SLC25A13: variants seen among roughly 807,000 people sequenced by gnomAD.
SLC25A13 encodes electrogenic aspartate/glutamate antiporter SLC25A13, mitochondrial.
Under a neutral mutation model 85.5 loss-of-function variants are expected in SLC25A13, and 70 were observed. The observed-to-expected ratio is 0.82, with a 90% CI of 0.68 to 1.00. The LOEUF (loss-of-function observed/expected upper bound fraction) is 1.00. Among genes scored for constraint, SLC25A13 ranks in the 50% least tolerant of loss-of-function variants. SLC25A13 has a pLI of 0.00. For missense variants in SLC25A13, 765 were observed against 819.8 expected, an observed-to-expected ratio of 0.93 and a Z score of 0.82; for synonymous variants, 259 against 288.7, an observed-to-expected ratio of 0.90 and a Z score of 1.04.
chr7:96,166,692 T>C (rs1793761379), intron 13 of SLC25A13, among the ~76,000 whole-genome samples: 1 of 152,134 alleles, frequency 6.6e-6, no homozygotes, highest in African/African-American at 2.4e-5. Flanking sequence ...ATTTTTTTCT[T>C]AAAGTAACAG....
intron 2 of SLC25A13, among the ~76,000 whole-genome samples, chr7:96,279,055 C>T (rs906323338): frequency 6.6e-6 from 1 of 152,138 alleles, no homozygotes; most frequent in Admixed American, 6.5e-5. Flanking sequence ...TGTCCAAATT[C>T]CTGGCAATTT....
At chr7:96,195,464 T>A (rs1289770365) in intron 5 of SLC25A13, among the ~76,000 whole-genome samples, 1 of 152,182 alleles carries the variant, frequency 6.6e-6, no homozygotes, top group Non-Finnish European at 1.5e-5. Flanking sequence ...TGAGAGTCAG[T>A]GGTTCTGACT....
chr7:96,190,766 C>G (rs552526151), intron 7 of SLC25A13, among the ~76,000 whole-genome samples: 1 of 152,208 alleles, frequency 6.6e-6, no homozygotes, highest in Admixed American at 6.5e-5. Flanking sequence ...GTGCCCACCA[C>G]CACACCCGAC....
chr7:96,194,803 T>C (rs113958677), intron 5 of SLC25A13, among the ~76,000 whole-genome samples: 85 of 152,332 alleles, frequency 5.6e-4, no homozygotes, highest in African/African-American at 1.7e-3. Flanking sequence ...TGAAAATGTC[T>C]ACATTTAAAA....
At chr7:96,203,549 C>A (rs1795343041) in intron 5 of SLC25A13, among the ~76,000 whole-genome samples, 1 of 152,114 alleles carries the variant, frequency 6.6e-6, no homozygotes, top group East Asian at 1.9e-4. Flanking sequence ...ACTGTAAGGA[C>A]AAATATTAAT....
intron 3 of SLC25A13, among the ~76,000 whole-genome samples, chr7:96,267,442 CT>C (rs1307670089): frequency 2.0e-5 from 3 of 152,116 alleles, no homozygotes; most frequent in Non-Finnish European, 4.4e-5. Flanking sequence ...TTCATCTTTT[CT>C]TCTTTGATGC....
intron 14 of SLC25A13, among the ~76,000 whole-genome samples, chr7:96,140,041 C>T (rs1380274281): frequency 2.1e-5 from 3 of 140,204 alleles, no homozygotes; most frequent in African/African-American, 7.9e-5. Flanking sequence ...TCACTGCAAG[C>T]TCCGCCTCCC....
intron 5 of SLC25A13, among the ~76,000 whole-genome samples, chr7:96,204,446 G>A (rs1399973108): frequency 1.3e-5 from 2 of 152,194 alleles, no homozygotes; most frequent in East Asian, 1.9e-4. Context: ...AGGCCAAGGC[G>A]GGTGGATCAC....
At chr7:96,246,634 A>G (rs577685408) in intron 3 of SLC25A13, among the ~76,000 whole-genome samples, 1 of 152,318 alleles carries the variant, frequency 6.6e-6, no homozygotes, top group African/African-American at 2.4e-5. Context: ...AACATTATCA[A>G]TTACTCGGGA....
intron 3 of SLC25A13, among the ~76,000 whole-genome samples, chr7:96,261,241 C>T (rs552660149): frequency 1.3e-5 from 2 of 152,268 alleles, no homozygotes; most frequent in South Asian, 4.1e-4. Context: ...TAACAACCTA[C>T]CTCTATATCA....
chr7:96,228,396 A>G (rs1362122084), intron 4 of SLC25A13, among the ~76,000 whole-genome samples: 2 of 152,222 alleles, frequency 1.3e-5, no homozygotes, highest in African/African-American at 2.4e-5. Flanking sequence ...AATGTCATAT[A>G]ACCCATTAGG....
intron 1 of SLC25A13, among the ~76,000 whole-genome samples, chr7:96,308,010 G>T (rs1338544643): frequency 6.6e-6 from 1 of 151,948 alleles, no homozygotes. Context: ...AAATTTAGCC[G>T]GGCACGGTGG....
At chr7:96,181,454 T>C (rs1434680870) in intron 11 of SLC25A13, among the ~76,000 whole-genome samples, 1 of 152,268 alleles carries the variant, frequency 6.6e-6, no homozygotes, top group Non-Finnish European at 1.5e-5. Flanking sequence ...ATAACCTTCA[T>C]TCTAATGCCA....
chr7:96,322,048 C>CGGCGGT lies in SLC25A13; in HGVS notation c.-98_-93dup, dbSNP rs1454627454. The CGGCGGT allele has an allele frequency of 4.0e-6, 6 of 1,494,168 alleles. No homozygotes were observed. The South Asian group carries it at 6.2e-5, about 16-fold the overall frequency. The allele number at this position is 1,494,168 out of a possible 1,614,324, so 92.6% of individuals were successfully genotyped here. A position where few individuals can be genotyped will look rare whatever the true frequency, so the allele number is the denominator to read the frequency against. On this transcript the variant is annotated 5_prime_UTR_variant, in exon 1 of 18. Transcript: ENST00000265631. ...GGCTCACTTCTAGTCCCGGCGGCGGCGGCGGTGGGGGCGGCGATACGGCCA... is the reference window on the plus strand; with the variant it reads ...GGCTCACTTCTAGTCCCGGCGGCGGCGGCGGTGGCGGTGGGGGCGGCGATACGGCCA...
chr7:96,219,424 T>C (rs1269637831), intron 4 of SLC25A13, among the ~76,000 whole-genome samples: 3 of 152,208 alleles, frequency 2.0e-5, no homozygotes, highest in Admixed American at 2.0e-4. Flanking sequence ...TACTTAGGGA[T>C]GGAACTAGCC....
At chr7:96,218,903 T>G (rs1795996984) in intron 4 of SLC25A13, among the ~76,000 whole-genome samples, 6 of 152,202 alleles carry the variant, frequency 3.9e-5, no homozygotes, top group Admixed American at 3.9e-4. Flanking sequence ...GAAGTAATAT[T>G]CCACCCTGCT....
chr7:96,207,641 G>A (rs1053949669), intron 5 of SLC25A13, among the ~76,000 whole-genome samples: 1 of 152,052 alleles, frequency 6.6e-6, no homozygotes. Flanking sequence ...CATCTATATA[G>A]CCTATAGATA....
intron 3 of SLC25A13, among the ~76,000 whole-genome samples, chr7:96,257,078 A>C (rs1348717422): frequency 1.3e-5 from 2 of 152,232 alleles, no homozygotes; most frequent in African/African-American, 4.8e-5. Flanking sequence ...GTTTAGAGGG[A>C]AATTTATAGC....
chr7:96,294,535 G>A (rs1473744705), intron 2 of SLC25A13, among the ~76,000 whole-genome samples: 1 of 151,792 alleles, frequency 6.6e-6, no homozygotes, highest in Non-Finnish European at 1.5e-5. Context: ...CATGAACCCG[G>A]GAGACAGAGG....
Sources: gnomAD v4.1 joint callset for allele counts (sites outside exome capture counted in the v4.1 genomes callset) on GRCh38, gnomAD v4.1.1 for gene constraint, MANE v1.5 for transcripts, NCBI Gene and HGNC (gene_info 2026-07-23, HGNC 2026-07-21) for gene names.